The following PRDM11 variants were observed in gnomAD, a reference collection of about 807,000 sequenced individuals.
PRDM11 encodes the protein PR domain-containing protein 11.
PRDM11 carries 20 observed loss-of-function variants against 97.8 expected under a neutral mutation model. The ratio of observed to expected loss-of-function variants is 0.20; its 90% confidence interval spans 0.14 to 0.30. The LOEUF (loss-of-function observed/expected upper bound fraction) is 0.30, where lower values mean the gene tolerates loss of function less well. Ranked by LOEUF, PRDM11 falls within the 10% of genes least tolerant of loss-of-function variation. The pLI is 1.00. For synonymous variants in PRDM11, 599 were observed against 637.7 expected (o/e 0.94, Z 0.91); for missense variants, 1,139 against 1,555.2 (o/e 0.73, Z 4.50).
chr11:45,183,763 G>A (rs1040500684), intron 4 of PRDM11, among the ~76,000 whole-genome samples: 2 of 152,204 alleles, frequency 1.3e-5, no homozygotes, highest in Non-Finnish European at 2.9e-5. Flanking sequence ...GACAGAGATA[G>A]GGGAGGGTGG....
chr11:45,181,962 G>A, intron 2 of PRDM11, 77 bp downstream of exon 2: 1 of 1,337,178 alleles, frequency 7.5e-7, no homozygotes, highest in Non-Finnish European at 1.0e-6. Flanking sequence ...TGGGAACCCT[G>A]GGAAACGTTC....
intron 7 of PRDM11, 144 bp from the exon 8 acceptor site, chr11:45,225,851 G>A: frequency 1.9e-6 from 2 of 1,067,828 alleles, no homozygotes; most frequent in Non-Finnish European, 2.6e-6. Flanking sequence ...CTAATTCTGG[G>A]CTGGGATTCA....
At chr11:45,106,008 A>G (rs1177193760) in intron 1 of PRDM11, among the ~76,000 whole-genome samples, 1 of 152,150 alleles carries the variant, frequency 6.6e-6, no homozygotes, top group Non-Finnish European at 1.5e-5. Context: ...GCAAACTCAA[A>G]TGTGCAAGAA....
upstream of PRDM11, among the ~76,000 whole-genome samples, chr11:45,094,821 AGAAGGAAGGGAGGAAGGAGG>A (rs760528615): frequency 0.17 from 19,974 of 115,908 alleles, 2,340 homozygotes; most frequent in African/African-American, 0.36. Flanking sequence ...GAGGAAGGAG[AGAAGGAAGGGAGGAAGGAGG>A]GAAGGAAGGG....
At chr11:45,183,775 G>A (rs1355094389) in intron 4 of PRDM11, among the ~76,000 whole-genome samples, 1 of 152,158 alleles carries the variant, frequency 6.6e-6, no homozygotes, top group African/African-American at 2.4e-5. Context: ...GGAGGGTGGG[G>A]TAATAGAGAA....
chr11:45,137,754 G>A (rs1554966157), intron 1 of PRDM11, among the ~76,000 whole-genome samples: 1 of 152,154 alleles, frequency 6.6e-6, no homozygotes, highest in Non-Finnish European at 1.5e-5. Flanking sequence ...TAAAGAAAGA[G>A]AGAAAATAAG....
In PRDM11 at chr11:45,213,883, G is replaced by T. The variant is rs58590291; in HGVS notation, c.555-5687G>T. 8.1e-3 allele frequency: 3,050 copies of T among 378,054 alleles called. 101 individuals carry two copies. The highest frequency in any genetic ancestry group is 0.059 in the African/African-American group (2,839 of 47,788). 23.4% of individuals were successfully genotyped at this position (378,054 alleles called of 1,614,324 possible). A position where few individuals can be genotyped will look rare whatever the true frequency, so the allele number is the denominator to read the frequency against. On this transcript the variant is annotated intron_variant, in intron 5 of 7. Coordinates refer to ENST00000683152, the MANE Select transcript of PRDM11 (RefSeq NM_001384648.1). ...AGATCTGGAGTAGTGGGAAGAGGAGGCAGGGGGCAGGTCTTGCCCCTTGCC... is the reference window on the plus strand; with the variant it reads ...AGATCTGGAGTAGTGGGAAGAGGAGTCAGGGGGCAGGTCTTGCCCCTTGCC...
At chr11:45,130,424 G>T (rs1209408547) in intron 1 of PRDM11, among the ~76,000 whole-genome samples, 1 of 152,074 alleles carries the variant, frequency 6.6e-6, no homozygotes, top group African/African-American at 2.4e-5. Flanking sequence ...CACAAGAAAG[G>T]ATATTCAAAT....
chr11:45,148,481 A>G (rs1432368692), intron 1 of PRDM11, among the ~76,000 whole-genome samples: 1 of 152,014 alleles, frequency 6.6e-6, no homozygotes, highest in East Asian at 1.9e-4. Context: ...GCCCCCACAG[A>G]CCCCACCGTG....
chr11:45,154,937 AGT>A (rs760525764), intron 1 of PRDM11, among the ~76,000 whole-genome samples: 2 of 152,022 alleles, frequency 1.3e-5, no homozygotes, highest in African/African-American at 2.4e-5. Context: ...GACCCCAGAG[AGT>A]GTTGTTGTAG....
upstream of PRDM11, among the ~76,000 whole-genome samples, chr11:45,094,841 G>A (rs115211857): frequency 1.2e-4 from 12 of 99,152 alleles, no homozygotes; most frequent in East Asian, 8.9e-4. Flanking sequence ...GAGGAAGGAG[G>A]GAAGGAAGGG....
At chr11:45,153,868 TG>T (rs1851722652) in intron 1 of PRDM11, among the ~76,000 whole-genome samples, 1 of 152,186 alleles carries the variant, frequency 6.6e-6, no homozygotes, top group Non-Finnish European at 1.5e-5. Context: ...AACAGCCCCG[TG>T]AGGTTACTCC....
At chr11:45,127,955 C>T (rs1046726400) in intron 1 of PRDM11, among the ~76,000 whole-genome samples, 2 of 152,246 alleles carry the variant, frequency 1.3e-5, no homozygotes, top group Non-Finnish European at 2.9e-5. Flanking sequence ...GAGGTGGAGC[C>T]TACAGAGGCA....
chr11:45,101,567 A>AAAAAAAAAAAAGAAGAAG (rs767802218), intron 1 of PRDM11, among the ~76,000 whole-genome samples: 2 of 96,834 alleles, frequency 2.1e-5, no homozygotes, highest in Non-Finnish European at 4.3e-5. Context: ...AAAAAAAAAA[A>AAAAAAAAAAAAGAAGAAG]AAGAAGAAGA....
At chr11:45,118,827 A>C (rs1358460014) in intron 1 of PRDM11, among the ~76,000 whole-genome samples, 4 of 152,340 alleles carry the variant, frequency 2.6e-5, no homozygotes, top group South Asian at 2.1e-4. Flanking sequence ...ATTTCTACTC[A>C]GCATAGCACT....
At chr11:45,198,600 AT>A (rs1853215062) in intron 4 of PRDM11, among the ~76,000 whole-genome samples, 1 of 152,236 alleles carries the variant, frequency 6.6e-6, no homozygotes, top group African/African-American at 2.4e-5. Context: ...TCATGACACC[AT>A]TTAGAGGAGC....
chr11:45,145,869 G>T (rs1040547871), upstream of PRDM11, among the ~76,000 whole-genome samples: 4 of 151,974 alleles, frequency 2.6e-5, no homozygotes, highest in Admixed American at 2.6e-4. Context: ...TTCCACCCCC[G>T]GCCCAGTCTT....
At chr11:45,209,428 C>T (rs1042211354) in intron 5 of PRDM11, 1 of 310,024 alleles carries the variant, frequency 3.2e-6, no homozygotes, top group Non-Finnish European at 6.4e-6. Flanking sequence ...CCATCCTCCC[C>T]TCCTTCTCCC....
At chr11:45,205,075 G>A (rs1232517138) in intron 5 of PRDM11, among the ~76,000 whole-genome samples, 1 of 152,068 alleles carries the variant, frequency 6.6e-6, no homozygotes, top group African/African-American at 2.4e-5. Context: ...CTAGGGAGGA[G>A]GAGGAGACTG....
Sources: allele counts gnomAD v4.1 joint callset (sites outside exome capture counted in the v4.1 genomes callset), GRCh38; gene constraint gnomAD v4.1.1; transcripts MANE v1.5; gene names NCBI Gene and HGNC (gene_info 2026-07-23, HGNC 2026-07-21).